GLRA3: variants seen among roughly 807,000 people sequenced by gnomAD.
GLRA3 encodes glycine receptor subunit alpha-3.
A neutral mutation model predicts 60.4 loss-of-function variants in GLRA3; 44 were observed. That is an observed-to-expected ratio of 0.73 (90% CI 0.57 to 0.94). GLRA3 has a LOEUF of 0.94. GLRA3 is among the 40% of genes least tolerant of loss of function. The pLI is 0.00. For missense variants in GLRA3, 508 were observed against 564.6 expected (o/e 0.90, Z 1.02); for synonymous variants, 223 against 192.9 (o/e 1.16, Z -1.29).
chr4:174,747,462 G>A (rs1737299781), intron 3 of GLRA3, among the ~76,000 whole-genome samples: 1 of 152,096 alleles, frequency 6.6e-6, no homozygotes, highest in African/African-American at 2.4e-5. Flanking sequence ...TTATTTGAGA[G>A]CCAATGAAAG....
chr4:174,734,258 A>T (rs1736680341), intron 3 of GLRA3, among the ~76,000 whole-genome samples: 1 of 152,216 alleles, frequency 6.6e-6, no homozygotes, highest in African/African-American at 2.4e-5. Context: ...TACAGTTCTG[A>T]AGTGCTGTAC....
At chr4:174,736,973 A>C (rs1736815646) in intron 3 of GLRA3, among the ~76,000 whole-genome samples, 1 of 152,230 alleles carries the variant, frequency 6.6e-6, no homozygotes, top group South Asian at 2.1e-4. Context: ...ATAAAGTTTC[A>C]GGATCATACT....
chr4:174,761,022 A>C (rs1344708137), intron 3 of GLRA3, among the ~76,000 whole-genome samples: 1 of 152,156 alleles, frequency 6.6e-6, no homozygotes, highest in Non-Finnish European at 1.5e-5. Context: ...ATACAGAATG[A>C]ACATTTATAT....
Position 174,767,383 on chromosome 4 carries a change from C to A in GLRA3, c.200-353G>T, listed in dbSNP as rs113727285. On this transcript the variant is annotated intron_variant, in intron 2 of 9. Transcript: ENST00000274093. ...TCCCCGCTGCATGGGCTATACTTTT[C>A]TATTTCTTTGCATGTCTTATATTTT... 5.6e-3 allele frequency among the ~76,000 whole-genome samples: 855 copies of A among 152,112 alleles called. 8 individuals are homozygous for A. Among genetic ancestry groups the A allele is most frequent in the Middle Eastern group, 0.02 (6 of 294 alleles).
In GLRA3 at chr4:174,691,813, C is replaced by G. The variant is rs1441867743; in HGVS notation, c.575-8874G>C. 2.6e-5 allele frequency among the ~76,000 whole-genome samples: 4 copies of G among 152,032 alleles called. No homozygotes were observed. The East Asian group carries it at 7.8e-4, about 30-fold the overall frequency. On this transcript the variant is annotated intron_variant, in intron 5 of 9. Transcript: ENST00000274093. ...GATTGCAGCCTCTGCCCGGCCGCCA[C>G]CCCATCTGGGAAGTGAGGAGCGTCT...
rs149317971 is a variant in GLRA3, at chr4:174,687,616, G to T, written c.575-4677C>A. ...GTTAAGGGAACAACAGACAGTATTTGCTGTCAATGATAAATTTTGAACTTT... is the reference window on the plus strand; with the variant it reads ...GTTAAGGGAACAACAGACAGTATTTTCTGTCAATGATAAATTTTGAACTTT... On this transcript the variant is annotated intron_variant, in intron 5 of 9. Transcript: ENST00000274093. Among the ~76,000 whole-genome samples the T allele has an allele frequency of 2.1e-4, 32 of 152,270 alleles. No homozygotes were observed. In the East Asian group the frequency reaches 5.8e-3, roughly 28 times the overall value.
At chr4:174,826,570 A>T (rs1207115610) in intron 1 of GLRA3, among the ~76,000 whole-genome samples, 1 of 151,490 alleles carries the variant, frequency 6.6e-6, no homozygotes, top group Non-Finnish European at 1.5e-5. Context: ...TTCTTTGTGT[A>T]TGTTGTATCT....
At chr4:174,720,172 A>C (rs114430330) in intron 4 of GLRA3, among the ~76,000 whole-genome samples, 2,730 of 152,268 alleles carry the variant, frequency 0.018, 41 homozygotes, top group Middle Eastern at 0.031. Context: ...TAGTAAAGTA[A>C]GAAAGTATAT....
At chr4:174,715,169 G>A (rs1316062048) in intron 5 of GLRA3, among the ~76,000 whole-genome samples, 2 of 152,160 alleles carry the variant, frequency 1.3e-5, no homozygotes, top group African/African-American at 4.8e-5. Flanking sequence ...GTTGAGAAGA[G>A]GCTCCCAATA....
intron 3 of GLRA3, among the ~76,000 whole-genome samples, chr4:174,729,673 T>TAA (rs1198830422): frequency 6.6e-6 from 1 of 152,232 alleles, no homozygotes; most frequent in East Asian, 1.9e-4. Flanking sequence ...TATATGTCTT[T>TAA]ATAAATATTT....
chr4:174,658,940 A>C, intron 8 of GLRA3, 114 bp downstream of exon 8: 1 of 854,940 alleles, frequency 1.2e-6, no homozygotes, highest in Non-Finnish European at 1.8e-6. Context: ...AAGGAATATT[A>C]TATCATTTCA....
intron 1 of GLRA3, among the ~76,000 whole-genome samples, chr4:174,794,862 A>G (rs1739498802): frequency 6.6e-6 from 1 of 152,056 alleles, no homozygotes; most frequent in Non-Finnish European, 1.5e-5. Context: ...AATCATGACT[A>G]ATTCACCAGG....
At chr4:174,665,927 G>C (rs778400218) in intron 7 of GLRA3, among the ~76,000 whole-genome samples, 1 of 152,084 alleles carries the variant, frequency 6.6e-6, no homozygotes, top group African/African-American at 2.4e-5. Flanking sequence ...TGTTCATATG[G>C]TAACACTTAA....
At chr4:174,708,284 T>G (rs972569704) in intron 5 of GLRA3, among the ~76,000 whole-genome samples, 4 of 152,106 alleles carry the variant, frequency 2.6e-5, no homozygotes, top group African/African-American at 9.7e-5. Flanking sequence ...GAGTAAGCGG[T>G]CTGAGTAATG....
chr4:174,816,169 A>G (rs1740492770), intron 1 of GLRA3, among the ~76,000 whole-genome samples: 1 of 152,116 alleles, frequency 6.6e-6, no homozygotes, highest in African/African-American at 2.4e-5. Flanking sequence ...TAGGTCCATG[A>G]TGGGGGAGGA....
chr4:174,672,899 T>C (rs1290543634), intron 7 of GLRA3, among the ~76,000 whole-genome samples: 1 of 152,110 alleles, frequency 6.6e-6, no homozygotes, highest in African/African-American at 2.4e-5. Context: ...TATCTGTGTA[T>C]GTGAATGTGT....
chr4:174,817,380 T>G (rs889376147), intron 1 of GLRA3, among the ~76,000 whole-genome samples: 2 of 152,176 alleles, frequency 1.3e-5, no homozygotes, highest in Non-Finnish European at 2.9e-5. Flanking sequence ...ACTTGCATAG[T>G]TTTTCTTTTC....
At chr4:174,692,913 G>A (rs150365542) in intron 5 of GLRA3, among the ~76,000 whole-genome samples, 26,137 of 147,464 alleles carry the variant, frequency 0.18, 2,566 homozygotes, top group African/African-American at 0.27. Flanking sequence ...TCCCCTCTGC[G>A]AGAAACACCC....
chr4:174,684,869 C>T (rs1004223587), intron 5 of GLRA3, among the ~76,000 whole-genome samples: 19 of 152,108 alleles, frequency 1.2e-4, no homozygotes, highest in Non-Finnish European at 2.6e-4. Context: ...ATTAGCCGGG[C>T]GTGGTGGTGG....
Sources: allele counts gnomAD v4.1 joint callset (sites outside exome capture counted in the v4.1 genomes callset), GRCh38; gene constraint gnomAD v4.1.1; transcripts MANE v1.5; gene names NCBI Gene and HGNC (gene_info 2026-07-23, HGNC 2026-07-21).